Variants in ADGRD1 observed in about 807,000 individuals in gnomAD.
The protein encoded by ADGRD1 is G-protein coupled receptor 133.
In ADGRD1, 77 loss-of-function variants were observed where a neutral mutation model predicts 113.4. The ratio of observed to expected loss-of-function variants is 0.68; its 90% CI spans 0.57 to 0.82. The LOEUF (loss-of-function observed/expected upper bound fraction) is 0.82, where lower values mean the gene tolerates loss of function less well. ADGRD1 is among the 40% of genes least tolerant of loss of function. The pLI, the probability that ADGRD1 is intolerant of heterozygous loss-of-function variation, is 0.00. For synonymous variants in ADGRD1, 474 were observed against 475.0 expected (o/e 1.00, Z 0.03); for missense variants, 1,036 against 1,139.1 (o/e 0.91, Z 1.30).
rs1885516214 is a variant in ADGRD1 at position 131,075,387 on chromosome 12, G to C, written c.1474-1414G>C. Reference sequence around the variant, plus strand: ...GGTCCTGGTGGCTGCAGGACACAGGGCCCTCTGTTGTCTGTGCAAGAGTTC... The same window carrying C: ...GGTCCTGGTGGCTGCAGGACACAGGCCCCTCTGTTGTCTGTGCAAGAGTTC... On this transcript the variant is annotated intron_variant, in intron 13 of 24. Coordinates refer to ENST00000261654, the MANE Select transcript of ADGRD1 (RefSeq NM_198827.5). The surrounding 1 kb of genome is among the most constrained non-coding windows in gnomAD (Gnocchi z 5.3). Among the ~76,000 whole-genome samples, 1 of 152,130 alleles carries C rather than the reference G, an allele frequency of 6.6e-6. No homozygotes were observed. Among genetic ancestry groups the C allele is most frequent in the East Asian group, 1.9e-4 (1 of 5,154 alleles).
chr12:131,114,503 G>C, intron 18 of ADGRD1, among the ~76,000 whole-genome samples: 1 of 152,086 alleles, frequency 6.6e-6, no homozygotes, highest in African/African-American at 2.4e-5. Context: ...TTCATCAGGA[G>C]CCCAAGAACT....
At chr12:131,073,827 A>T (rs1885369909) in intron 13 of ADGRD1, among the ~76,000 whole-genome samples, 1 of 152,170 alleles carries the variant, frequency 6.6e-6, no homozygotes, top group African/African-American at 2.4e-5. Context: ...ACCTAATTTC[A>T]TGAGAACAAA....
intron 4 of ADGRD1, chr12:130,981,508 T>TCGGTGG: frequency 5.4e-5 from 9 of 165,392 alleles, no homozygotes; most frequent in Admixed American, 2.4e-4. Context: ...GGTGTAGGTC[T>TCGGTGG]TCACATTTGC....
At chr12:131,136,303 G>A (rs527672302) in intron 22 of ADGRD1, 140 bp downstream of exon 22, 20 of 1,033,588 alleles carry the variant, frequency 1.9e-5, no homozygotes, top group African/African-American at 6.3e-5. Flanking sequence ...GGGCATCCCC[G>A]AAGCCTGAGG....
Position 131,141,144 on chromosome 12 carries a change from A to G in ADGRD1, c.*1881A>G, listed in dbSNP as rs1282443321. 1 of 152,276 alleles carries G rather than the reference A, an allele frequency of 6.6e-6. No homozygotes were observed. Among genetic ancestry groups the G allele is most frequent in the Non-Finnish European group, 1.5e-5 (1 of 68,040 alleles). 9.4% of individuals were successfully genotyped at this position (152,276 alleles called of 1,614,324 possible). On this transcript the variant is annotated 3_prime_UTR_variant, in exon 25 of 25. Transcript: ENST00000261654. ...TCCTTATTTAGTTTCTAGTGAAACA[A>G]ATCAAGTAAGGAACTATCTTTAGTT... is the stretch of plus-strand genomic sequence containing the variant.
intron 8 of ADGRD1, among the ~76,000 whole-genome samples, chr12:130,997,289 C>T (rs1268061887): frequency 8.1e-5 from 12 of 147,470 alleles, no homozygotes; most frequent in Admixed American, 7.3e-4. Flanking sequence ...GACGGGGCAG[C>T]TGGCCTGGCG....
intron 18 of ADGRD1, among the ~76,000 whole-genome samples, chr12:131,117,852 AG>A (rs1950505846): frequency 6.6e-6 from 1 of 152,226 alleles, no homozygotes; most frequent in Admixed American, 6.5e-5. Context: ...CCGCCGCTCT[AG>A]AACAGGGCTT....
intron 17 of ADGRD1, 102 bp downstream of exon 17, chr12:131,105,967 ACC>A (rs1950228523): frequency 2.5e-6 from 2 of 785,846 alleles, no homozygotes; most frequent in Non-Finnish European, 4.2e-6. Context: ...AAATTTCAGA[ACC>A]CATCTCCCCA....
intron 20 of ADGRD1, among the ~76,000 whole-genome samples, chr12:131,128,229 G>A (rs1950797158): frequency 6.7e-6 from 1 of 149,968 alleles, no homozygotes; most frequent in African/African-American, 2.5e-5. Flanking sequence ...TGGGTTGGTT[G>A]TGATGGGACC....
rs1283435027 is a variant in ADGRD1 at position 131,007,200 on chromosome 12, G to T, written c.1331+1153G>T. 4.6e-5 allele frequency among the ~76,000 whole-genome samples: 7 copies of T among 152,374 alleles called. No individual in the cohort carries two copies. The East Asian group carries it at 1.4e-3, about 29-fold the overall frequency. The stretch of plus-strand genomic sequence containing the variant: ...GCACACATTTCAGGGGCAATTCACT[G>T]TGACCACCAGAATCTGACTCCAGCC... On this transcript the variant is annotated intron_variant, in intron 12 of 24. Coordinates refer to ENST00000261654, the MANE Select transcript of ADGRD1 (RefSeq NM_198827.5).
In ADGRD1 at chr12:130,995,968, T is replaced by C. The variant is rs556441448; in HGVS notation, c.966+3576T>C. On this transcript the variant is annotated intron_variant, in intron 8 of 24. Transcript: ENST00000261654. ...TCCCTGATTACTTGAGATTAGGGAG[T>C]GGTGATGACTCTTAACGAGCATGCT... 8.6e-5 allele frequency among the ~76,000 whole-genome samples: 13 copies of C among 151,970 alleles called. No homozygotes were observed. The East Asian group carries it at 2.5e-3, about 29-fold the overall frequency.
chr12:130,983,881 G>A (rs1204759048), intron 5 of ADGRD1, among the ~76,000 whole-genome samples: 1 of 152,182 alleles, frequency 6.6e-6, no homozygotes, highest in African/African-American at 2.4e-5. Flanking sequence ...ACACATGCTG[G>A]CAGAACAAAG....
At chr12:131,043,706 C>T (rs1213825133) in intron 13 of ADGRD1, among the ~76,000 whole-genome samples, 1 of 152,218 alleles carries the variant, frequency 6.6e-6, no homozygotes, top group Non-Finnish European at 1.5e-5. Flanking sequence ...CGGGGATGCA[C>T]GTGGGGCAGA....
chr12:131,033,710 G>A (rs1881061249), intron 13 of ADGRD1, among the ~76,000 whole-genome samples: 1 of 152,324 alleles, frequency 6.6e-6, no homozygotes, highest in South Asian at 2.1e-4. Context: ...AGGGGCACGG[G>A]ATGTGGTGGT....
At chr12:131,021,758 A>G (rs902097719) in intron 13 of ADGRD1, among the ~76,000 whole-genome samples, 1 of 151,946 alleles carries the variant, frequency 6.6e-6, no homozygotes, top group East Asian at 1.9e-4. Context: ...CCCAGGCTGG[A>G]GTGCAGAGGT....
chr12:131,039,725 G>A (rs1206694755), intron 13 of ADGRD1, among the ~76,000 whole-genome samples: 3 of 152,222 alleles, frequency 2.0e-5, no homozygotes, highest in Non-Finnish European at 4.4e-5. Context: ...GCTGGTCCAC[G>A]CCCCTGCCGC....
chr12:130,970,939 A>C (rs2136531465), intron 3 of ADGRD1: 1 of 152,386 alleles, frequency 6.6e-6, no homozygotes, highest in African/African-American at 2.4e-5. Flanking sequence ...TTAAAACTCA[A>C]AAGGAGAAGG....
In ADGRD1 at chr12:131,086,769, C is replaced by T. The variant is rs373628242; in HGVS notation, c.1671+2106C>T. On this transcript the variant is annotated intron_variant, in intron 15 of 24. Transcript: ENST00000261654. ...CGTATGAGCCTCACTCTGCAGAAGA[C>T]GCCAGAGGGAAACAGCTATTCCTGT... Among the ~76,000 whole-genome samples, 345 of 152,348 alleles carry T rather than the reference C, an allele frequency of 2.3e-3. 1 individual carries two copies. The highest frequency in any genetic ancestry group is 7.6e-3 in the African/African-American group (315 of 41,574).
At chr12:130,988,220 T>C (rs1314966484) in intron 6 of ADGRD1, 1 of 151,868 alleles carries the variant, frequency 6.6e-6, no homozygotes, top group Non-Finnish European at 1.5e-5. Context: ...ATGGCAAGAA[T>C]CCAGTGGTTC....
Sources: gnomAD v4.1 joint callset for allele counts (sites outside exome capture counted in the v4.1 genomes callset) on GRCh38, gnomAD v4.1.1 for gene constraint, Gnocchi (gnomAD v3.1) non-coding constraint, MANE v1.5 for transcripts, NCBI Gene and HGNC (gene_info 2026-07-23, HGNC 2026-07-21) for gene names.